The following SLC7A2 variants were observed in gnomAD, a reference collection of about 807,000 sequenced individuals.
SLC7A2 encodes cationic amino acid transporter 2.
In SLC7A2, 48 loss-of-function variants were observed where a neutral mutation model predicts 58.9. The ratio of observed to expected loss-of-function variants is 0.82; its 90% CI spans 0.65 to 1.04. The LOEUF is 1.04. Ranked by LOEUF, SLC7A2 falls within the 50% of genes least tolerant of loss-of-function variation. The pLI is 0.00. For missense variants in SLC7A2, 1,029 were observed against 818.8 expected, an observed-to-expected ratio of 1.26 and a Z score of -3.13; for synonymous variants, 363 against 314.5, an observed-to-expected ratio of 1.15 and a Z score of -1.63.
In SLC7A2 at chr8:17,544,644, A is replaced by G. The variant is rs764845363; in HGVS notation, c.532+38A>G. On this transcript the variant is annotated intron_variant, in intron 4 of 12. Coordinates refer to ENST00000494857, the MANE Select transcript of SLC7A2 (RefSeq NM_001370338.1). ...GTTATGAGTCTCTGCAGAATGAGCC[A>G]CACTATTTGTCTCAGGAAAATAGGT... The G allele has an allele frequency of 8.8e-6, 14 of 1,589,510 alleles. No homozygotes were observed. The African/African-American group carries it at 1.9e-4, about 21-fold the overall frequency.
chr8:17,538,920 C>T, intron 2 of SLC7A2: 6 of 1,612,586 alleles, frequency 3.7e-6, no homozygotes, highest in Non-Finnish European at 5.1e-6. Flanking sequence ...GCAAGTTTCT[C>T]CTGTAAGATT....
At chr8:17,554,986 G>A (rs371914348) in intron 8 of SLC7A2, 15 of 1,613,830 alleles carry the variant, frequency 9.3e-6, no homozygotes, top group Non-Finnish European at 1.2e-5. Context: ...AATTCTGTTT[G>A]CCATGGCCCG....
At position 17,554,644 on chromosome 8, in the gene SLC7A2, C is replaced by T. The variant is rs1134972; in HGVS notation, c.1140C>T (p.Ile380=). ...DGLLFKCLAQ[I]NSKTKTPIIA... ...TGCTTTTCAAATGTCTAGCTCAAAT[C>T]AATTCCAAAACGAAGACACCAATAA... is the stretch of plus-strand genomic sequence containing the variant. Residue 380 remains isoleucine, a synonymous_variant, in exon 8 of 13, where the codon ATC becomes ATT. Transcript: ENST00000494857. 12 of 1,613,336 alleles carry T rather than the reference C, an allele frequency of 7.4e-6. No individual in the cohort carries two copies. Among genetic ancestry groups the T allele is most frequent in the East Asian group, 4.5e-5 (2 of 44,840 alleles).
chr8:17,505,268 A>C (rs1239199744), intron 2 of SLC7A2, among the ~76,000 whole-genome samples: 2 of 152,210 alleles, frequency 1.3e-5, no homozygotes, highest in Admixed American at 1.3e-4. Flanking sequence ...CTTGGAATGC[A>C]GAAACCATTT....
chr8:17,507,424 G>A (rs1288812695), intron 2 of SLC7A2, among the ~76,000 whole-genome samples: 1 of 151,958 alleles, frequency 6.6e-6, no homozygotes, highest in South Asian at 2.1e-4. Flanking sequence ...GTGTTGCCCA[G>A]GCTGGTTTTG....
upstream of SLC7A2, among the ~76,000 whole-genome samples, chr8:17,494,641 T>C (rs1319772154): frequency 6.6e-6 from 1 of 152,224 alleles, no homozygotes; most frequent in Non-Finnish European, 1.5e-5. Flanking sequence ...TTTTCTCTTG[T>C]CTCATAGTCT....
chr8:17,505,622 G>C (rs1284837968), intron 2 of SLC7A2, among the ~76,000 whole-genome samples: 1 of 152,134 alleles, frequency 6.6e-6, no homozygotes, highest in African/African-American at 2.4e-5. Context: ...AAATTTACTT[G>C]AGTTTTGGCT....
At position 17,558,274 on chromosome 8, in the gene SLC7A2, G is replaced by A. The variant is rs200210952; in HGVS notation, c.1196-21G>A. 5.2e-5 allele frequency: 81 copies of A among 1,547,104 alleles called. No homozygotes were observed. The Middle Eastern group carries it at 1.0e-3, about 19-fold the overall frequency. On this transcript the variant is annotated intron_variant, in intron 8 of 12. Coordinates refer to ENST00000494857, the MANE Select transcript of SLC7A2 (RefSeq NM_001370338.1). ...TTCCTCCTGGGCCGTTTACTTCACC[G>A]TTCTTTTCTTCTCCCCCTAGCTTTG...
intron 5 of SLC7A2, 78 bp downstream of exon 5, chr8:17,548,921 C>G: frequency 2.5e-6 from 3 of 1,211,110 alleles, no homozygotes; most frequent in African/African-American, 1.5e-5. Flanking sequence ...TTCATTTTTA[C>G]TCTGCTAATA....
chr8:17,504,900 T>C (rs1226677461), intron 2 of SLC7A2, among the ~76,000 whole-genome samples: 1 of 152,190 alleles, frequency 6.6e-6, no homozygotes, highest in Non-Finnish European at 1.5e-5. Flanking sequence ...CATAGTTCCC[T>C]GATACACAGA....
chr8:17,563,675 G>C lies in SLC7A2; in HGVS notation c.1744G>C (p.Asp582His), dbSNP rs753699285. Residue 582 changes from aspartate (D) to histidine (H), a missense_variant, in exon 12 of 13, where the codon GAC becomes CAC. Physicochemically the swap from Asp to His is moderately conservative, Grantham distance 81. Coordinates refer to ENST00000494857, the MANE Select transcript of SLC7A2 (RefSeq NM_001370338.1). ...TTACTTGATGGTCCAGTTAAGTGCA[G>C]ACACTTGGGTCAGATTCAGCATTTG... ...NIYLMVQLSA[D>H]TWVRFSIWMA... 1 of 1,612,784 alleles carries C rather than the reference G, an allele frequency of 6.2e-7. No individual in the cohort carries two copies. Among genetic ancestry groups the C allele is most frequent in the Non-Finnish European group, 8.5e-7 (1 of 1,178,958 alleles).
chr8:17,548,272 C>T (rs1802273173), intron 4 of SLC7A2, among the ~76,000 whole-genome samples: 1 of 152,004 alleles, frequency 6.6e-6, no homozygotes, highest in African/African-American at 2.4e-5. Flanking sequence ...GCACAGGTGG[C>T]AGAGGTTGCA....
intron 8 of SLC7A2, among the ~76,000 whole-genome samples, chr8:17,557,694 GGC>G (rs1313679226): frequency 2.6e-5 from 4 of 152,084 alleles, no homozygotes; most frequent in Admixed American, 2.6e-4. Context: ...CAGGTGTGGT[GGC>G]GCACGCCTGT....
At chr8:17,524,302 C>T (rs1801132523) in intron 2 of SLC7A2, among the ~76,000 whole-genome samples, 1 of 152,106 alleles carries the variant, frequency 6.6e-6, no homozygotes, top group South Asian at 2.1e-4. Flanking sequence ...GATACTTGCA[C>T]ATGCATGTTT....
chr8:17,498,150 G>C lies in SLC7A2; in HGVS notation c.-69+913G>C, dbSNP rs193043039. Among the ~76,000 whole-genome samples, 4 of 151,808 alleles carry C rather than the reference G, an allele frequency of 2.6e-5. No individual in the cohort carries two copies. In the East Asian group the frequency reaches 7.7e-4, roughly 29 times the overall value. On this transcript the variant is annotated intron_variant, in intron 1 of 12. Coordinates refer to ENST00000494857, the MANE Select transcript of SLC7A2 (RefSeq NM_001370338.1). ...AAATATTTGTGCAAAACTGGCTAAAGCCTTTAGGTGACTAATTTTGGACCA... is the reference window on the plus strand; with the variant it reads ...AAATATTTGTGCAAAACTGGCTAAACCCTTTAGGTGACTAATTTTGGACCA...
rs942964837 is a variant in SLC7A2 at position 17,567,191 on chromosome 8, G to C, written c.*2045G>C. The C allele has an allele frequency of 1.3e-5, 2 of 152,608 alleles. No individual in the cohort carries two copies. Among genetic ancestry groups the C allele is most frequent in the Non-Finnish European group, 2.9e-5 (2 of 68,050 alleles). 9.5% of individuals were successfully genotyped at this position (152,608 alleles called of 1,614,324 possible). On this transcript the variant is annotated 3_prime_UTR_variant, in exon 13 of 13. Transcript: ENST00000494857. Reference sequence around the variant, plus strand: ...GCACAGGCTCGGGTATTTTGGTAGGGACTGTAGGCATGCTCATAAATCCTT... The same window carrying C: ...GCACAGGCTCGGGTATTTTGGTAGGCACTGTAGGCATGCTCATAAATCCTT...
At chr8:17,536,882 G>A (rs770779491) in intron 2 of SLC7A2, among the ~76,000 whole-genome samples, 1 of 152,140 alleles carries the variant, frequency 6.6e-6, no homozygotes, top group Non-Finnish European at 1.5e-5. Flanking sequence ...TAGCTGAAGT[G>A]CACAGGAGGT....
intron 2 of SLC7A2, among the ~76,000 whole-genome samples, chr8:17,540,469 G>A (rs1015919393): frequency 1.6e-4 from 25 of 152,088 alleles, no homozygotes; most frequent in African/African-American, 5.8e-4. Context: ...TAATGGGAAA[G>A]AAGTAATTTG....
chr8:17,554,744 A>T (rs748906279), intron 8 of SLC7A2, 45 bp downstream of exon 8: 4 of 1,558,968 alleles, frequency 2.6e-6, no homozygotes, highest in Non-Finnish European at 3.5e-6. Context: ...GATCTTTTTC[A>T]TCAAGGACTC....
Sources: allele counts gnomAD v4.1 joint callset (sites outside exome capture counted in the v4.1 genomes callset), GRCh38; gene constraint gnomAD v4.1.1; transcripts MANE v1.5; gene names NCBI Gene and HGNC (gene_info 2026-07-23, HGNC 2026-07-21).